The following NEB variants were observed in gnomAD, a reference collection of about 807,000 sequenced individuals.
NEB encodes the protein nebulin.
A neutral mutation model predicts 952.2 loss-of-function variants in NEB; 512 were observed. The ratio of observed to expected loss-of-function variants is 0.54; its 90% confidence interval spans 0.50 to 0.58. NEB has a LOEUF of 0.58. Among genes scored for constraint, NEB ranks in the 20% least tolerant of loss-of-function variants. NEB has a pLI of 0.00. For missense variants in NEB, 8,428 were observed against 9,231.1 expected, an observed-to-expected ratio of 0.91 and a Z score of 3.56; for synonymous variants, 2,900 against 3,149.8, an observed-to-expected ratio of 0.92 and a Z score of 2.66.
intron 105 of NEB, among the ~76,000 whole-genome samples, chr2:151,578,219 T>C (rs949129264): frequency 1.3e-5 from 2 of 151,690 alleles, no homozygotes; most frequent in African/African-American, 4.8e-5. Context: ...GGGCGGAAAA[T>C]ACGAGTAAAT....
rs748666706 is a variant in NEB, at chr2:151,496,287, T to C, written c.24475A>G (p.Asn8159Asp). 23 of 1,609,288 alleles carry C rather than the reference T, an allele frequency of 1.4e-5. No homozygotes were observed. In the East Asian group the frequency reaches 4.7e-4, roughly 33 times the overall value. ...EMERVKHNQE[N>D]ISSVLYKENV... is the part of the protein sequence containing the mutation. Reference sequence around the variant, plus strand: ...TTCTCGCCAAGTACCGAGCTAATATTTTCTTGATTGTGTTTGACTCGCTCC... The same window carrying C: ...TTCTCGCCAAGTACCGAGCTAATATCTTCTTGATTGTGTTTGACTCGCTCC... Residue 8159 changes from asparagine (N) to aspartate (D), a missense_variant, in exon 173 of 182, where the codon AAT becomes GAT. Asn to Asp is a conservative substitution (Grantham distance 23, BLOSUM62 1). Transcript: ENST00000397345.
intron 124 of NEB, among the ~76,000 whole-genome samples, chr2:151,560,336 T>C (rs2095951779): frequency 6.6e-6 from 1 of 152,200 alleles, no homozygotes; most frequent in South Asian, 2.1e-4. Context: ...GATTATCATG[T>C]GCAGACAGGC....
chr2:151,526,087 A>G lies in NEB; in HGVS notation c.22051-19T>C. 6.2e-7 allele frequency: 1 copy of G among 1,612,432 alleles called. No homozygotes were observed. Among genetic ancestry groups the G allele is most frequent in the Non-Finnish European group, 8.5e-7 (1 of 1,178,500 alleles). On this transcript the variant is annotated intron_variant, in intron 149 of 181. Coordinates refer to ENST00000397345, the MANE Select transcript of NEB (RefSeq NM_001164508.2). ...ACTTGTTCTGGGGGAATCCATAGAG[A>G]GCTCATTAAGGCATCTGCCTGGGGC...
At chr2:151,685,815 C>T (rs1458743121) in intron 27 of NEB, among the ~76,000 whole-genome samples, 2 of 152,164 alleles carry the variant, frequency 1.3e-5, no homozygotes, top group Non-Finnish European at 2.9e-5. Context: ...TAAACTCATC[C>T]TAGTTTCCCA....
At position 151,503,419 on chromosome 2, in the gene NEB, C is replaced by G. The variant is rs1253296856; in HGVS notation, c.23765G>C (p.Gly7922Ala). 1.5e-5 allele frequency: 24 copies of G among 1,611,242 alleles called. No homozygotes were observed. The highest frequency in any genetic ancestry group is 2.0e-5 in the Non-Finnish European group (24 of 1,177,786). Residue 7922 changes from glycine to alanine, a missense_variant, in exon 166 of 182, where the codon GGA (glycine) becomes GCA (alanine). Gly to Ala is a moderately conservative substitution (Grantham distance 60). Coordinates refer to ENST00000397345, the MANE Select transcript of NEB (RefSeq NM_001164508.2). ...ISSVMYKENLGTGIPTTVTPE... is the reference protein window; with the variant it reads ...ISSVMYKENLATGIPTTVTPE... Reference sequence around the variant, plus strand: ...AGTCACAGTGGTTGGAATGCCTGTTCCCAAGTTTTCTTTGTACATAACCTG... The same window carrying G: ...AGTCACAGTGGTTGGAATGCCTGTTGCCAAGTTTTCTTTGTACATAACCTG...
chr2:151,500,122 A>G (rs1238050906), intron 168 of NEB, among the ~76,000 whole-genome samples: 5 of 152,142 alleles, frequency 3.3e-5, no homozygotes, highest in African/African-American at 4.8e-5. Context: ...AACAATGAGT[A>G]TAACATTCCA....
chr2:151,690,883 T>G, intron 23 of NEB, 58 bp from the exon 24 acceptor site: 1 of 1,270,850 alleles, frequency 7.9e-7, no homozygotes, highest in Non-Finnish European at 1.1e-6. Flanking sequence ...ATACATGCGC[T>G]AACATAAAAA....
intron 54 of NEB, among the ~76,000 whole-genome samples, chr2:151,648,966 A>T (rs1444463642): frequency 6.6e-6 from 1 of 152,198 alleles, no homozygotes; most frequent in Non-Finnish European, 1.5e-5. Flanking sequence ...ATGTTTCAGC[A>T]TTCCCCAAAC....
rs1452959222 is a variant in NEB at position 151,642,817 on chromosome 2, G to A, written c.8213C>T (p.Pro2738Leu). 3.1e-6 allele frequency: 5 copies of A among 1,613,052 alleles called. No individual in the cohort carries two copies. In the Middle Eastern group the frequency reaches 5.0e-4, roughly 160 times the overall value. Residue 2738 changes from proline to leucine, a missense_variant, in exon 59 of 182, where the codon CCA becomes CTA. By Grantham distance (98) the Pro-to-Leu change is moderately conservative. Transcript: ENST00000397345. ...AGCTAATAAAACTTCAGGGGTATCT[G>A]GCATAATGTGGACAGTGGTTTTATC... The part of the protein sequence containing the change: ...DKDKTTVHIM[P>L]DTPEVLLAKQ...
At chr2:151,500,927 T>C (rs1181893291) in intron 168 of NEB, among the ~76,000 whole-genome samples, 1 of 152,134 alleles carries the variant, frequency 6.6e-6, no homozygotes, top group Non-Finnish European at 1.5e-5. Flanking sequence ...GGTTTCAATA[T>C]GGAGCAATTT....
intron 42 of NEB, 129 bp from the exon 43 acceptor site, chr2:151,664,992 A>G: frequency 1.4e-6 from 1 of 733,270 alleles, no homozygotes. Context: ...ATGAAATAAC[A>G]AAAAGATGGG....
chr2:151,523,816 T>C (rs2083589726), intron 153 of NEB, among the ~76,000 whole-genome samples: 1 of 152,190 alleles, frequency 6.6e-6, no homozygotes, highest in Non-Finnish European at 1.5e-5. Flanking sequence ...GATTTATCCA[T>C]GGACAAGTAA....
intron 107 of NEB, among the ~76,000 whole-genome samples, chr2:151,574,892 C>G (rs1160443253): frequency 6.6e-6 from 1 of 151,906 alleles, no homozygotes; most frequent in East Asian, 1.9e-4. Flanking sequence ...TCACTTTGCC[C>G]AACTAATTTA....
In NEB at chr2:151,568,613, C is replaced by A; in HGVS notation, c.17634+5G>T. 1 of 1,597,740 alleles carries A rather than the reference C, an allele frequency of 6.3e-7. No homozygotes were observed. The highest frequency in any genetic ancestry group is 8.5e-7 in the Non-Finnish European group (1 of 1,169,694). On this transcript the variant is annotated splice_donor_5th_base_variant and intron_variant, in intron 111 of 181. Transcript: ENST00000397345. ...TGTGAGATTTTAAAACAGCCATATACTTACATCATCGAGGATCTCGCCACT... is the reference window on the plus strand; with the variant it reads ...TGTGAGATTTTAAAACAGCCATATAATTACATCATCGAGGATCTCGCCACT...
At chr2:151,519,802 G>C in intron 153 of NEB, 34 bp from the exon 154 acceptor site, 2 of 1,391,380 alleles carry the variant, frequency 1.4e-6, no homozygotes, top group Non-Finnish European at 2.0e-6. Context: ...AATTATTCCT[G>C]GACATCAATC....
chr2:151,493,379 T>C lies in NEB; in HGVS notation c.24739A>G (p.Lys8247Glu). The C allele has an allele frequency of 3.1e-6, 5 of 1,612,878 alleles. No homozygotes were observed. Among genetic ancestry groups the C allele is most frequent in the Non-Finnish European group, 4.2e-6 (5 of 1,179,342 alleles). The change falls in exon 176 of 182, where the codon AAG becomes GAG. Residue 8247 changes from lysine to glutamate, a missense_variant. Transcript: ENST00000397345. ...GAGCTAATGTTTTCTTGGTTGCGCT[T>C]AGCTCTCTCCATCTCTGGAGTAACA... is the stretch of plus-strand genomic sequence containing the variant. ...TPVTPEMERA[K>E]RNQENISSVL...
At chr2:151,636,667 G>A (rs2098768813) in intron 63 of NEB, among the ~76,000 whole-genome samples, 1 of 152,134 alleles carries the variant, frequency 6.6e-6, no homozygotes, top group Non-Finnish European at 1.5e-5. Context: ...TGCAATCCCA[G>A]TTACTTGGGA....
intron 159 of NEB, 106 bp from the exon 160 acceptor site, chr2:151,513,799 C>T: frequency 1.3e-6 from 1 of 781,508 alleles, no homozygotes; most frequent in Non-Finnish European, 2.1e-6. Context: ...CCAGTTGTCA[C>T]AGATAGTGTC....
intron 27 of NEB, among the ~76,000 whole-genome samples, chr2:151,685,201 G>A (rs777822102): frequency 6.6e-6 from 1 of 152,174 alleles, no homozygotes; most frequent in African/African-American, 2.4e-5. Context: ...GGTCACAGCA[G>A]ACAGCGGGCC....
Sources: allele counts gnomAD v4.1 joint callset (sites outside exome capture counted in the v4.1 genomes callset), GRCh38; gene constraint gnomAD v4.1.1; transcripts MANE v1.5; gene names NCBI Gene and HGNC (gene_info 2026-07-23, HGNC 2026-07-21).